GFRA1: variants seen among roughly 807,000 people sequenced by gnomAD.
GFRA1 encodes GDNF family receptor alpha-1.
A neutral mutation model predicts 51.6 loss-of-function variants in GFRA1; 16 were observed. The ratio of observed to expected loss-of-function variants is 0.31; its 90% CI spans 0.21 to 0.47. The LOEUF is 0.47. GFRA1 is among the 20% of genes least tolerant of loss of function. The pLI is 1.00. For synonymous variants in GFRA1, 270 were observed against 241.3 expected (o/e 1.12, Z -1.10); for missense variants, 530 against 594.3 (o/e 0.89, Z 1.13).
chr10:116,249,551 A>G (rs773172315), intron 4 of GFRA1, among the ~76,000 whole-genome samples: 2 of 152,108 alleles, frequency 1.3e-5, no homozygotes, highest in Non-Finnish European at 2.9e-5. Context: ...GTCCTTCATG[A>G]AAGAAAGACT....
intron 4 of GFRA1, among the ~76,000 whole-genome samples, chr10:116,246,469 A>G (rs1402956120): frequency 1.3e-5 from 2 of 152,222 alleles, no homozygotes; most frequent in Admixed American, 6.5e-5. Context: ...GTCAGACAGT[A>G]TATGAGAACA....
chr10:116,152,593 G>A (rs536889368), intron 5 of GFRA1, among the ~76,000 whole-genome samples: 128 of 152,242 alleles, frequency 8.4e-4, no homozygotes, highest in Non-Finnish European at 1.7e-3. Flanking sequence ...GGATCTGCCC[G>A]CCTGACCCAA....
chr10:116,210,368 G>GA (rs538261274), intron 5 of GFRA1, among the ~76,000 whole-genome samples: 155 of 150,980 alleles, frequency 1.0e-3, no homozygotes, highest in Non-Finnish European at 1.6e-3. Context: ...CTAGTTCACA[G>GA]AAAAAAAAAT....
At chr10:116,221,226 A>G (rs1029584217) in intron 4 of GFRA1, among the ~76,000 whole-genome samples, 1 of 152,158 alleles carries the variant, frequency 6.6e-6, no homozygotes, top group African/African-American at 2.4e-5. Context: ...AAGGTTAACT[A>G]AAGCTGCCAA....
chr10:116,157,923 TC>T (rs1303061717), intron 5 of GFRA1, among the ~76,000 whole-genome samples: 1 of 152,148 alleles, frequency 6.6e-6, no homozygotes, highest in Non-Finnish European at 1.5e-5. Flanking sequence ...GCTCTGATGA[TC>T]CCCTGGCTTT....
intron 5 of GFRA1, among the ~76,000 whole-genome samples, chr10:116,138,741 G>A (rs895830492): frequency 6.7e-6 from 1 of 148,158 alleles, no homozygotes; most frequent in African/African-American, 2.5e-5. Flanking sequence ...TGACGGCTCA[G>A]CTGCATGCCT....
chr10:116,179,367 T>A (rs1961982909), intron 5 of GFRA1, among the ~76,000 whole-genome samples: 1 of 152,194 alleles, frequency 6.6e-6, no homozygotes, highest in Admixed American at 6.5e-5. Context: ...TATTTGGCTT[T>A]TATTTATGTC....
At chr10:116,068,575 G>A (rs1222651508) in intron 9 of GFRA1, among the ~76,000 whole-genome samples, 1 of 152,110 alleles carries the variant, frequency 6.6e-6, no homozygotes, top group African/African-American at 2.4e-5. Flanking sequence ...GTGAACTTCT[G>A]GCTAGTTGCA....
chr10:116,127,909 G>C (rs1957942642), intron 5 of GFRA1, among the ~76,000 whole-genome samples: 1 of 152,174 alleles, frequency 6.6e-6, no homozygotes, highest in Admixed American at 6.5e-5. Context: ...GCTGGGTACT[G>C]GTACACAATT....
At chr10:116,198,903 A>AG (rs1192620932) in intron 5 of GFRA1, among the ~76,000 whole-genome samples, 2 of 152,216 alleles carry the variant, frequency 1.3e-5, no homozygotes, top group East Asian at 1.9e-4. Flanking sequence ...ACGATGGATT[A>AG]GGGTAAGCCC....
intron 10 of GFRA1, among the ~76,000 whole-genome samples, chr10:116,064,872 TTGCACAGGTAACTGACAGC>T (rs1955024624): frequency 6.7e-6 from 1 of 148,814 alleles, no homozygotes; most frequent in African/African-American, 2.6e-5. Context: ...GGGTTCCACG[TTGCACAGGTAACTGACAGC>T]GTTGGAGACA....
chr10:116,070,189 G>T (rs1446422144), intron 9 of GFRA1, among the ~76,000 whole-genome samples: 1 of 152,262 alleles, frequency 6.6e-6, no homozygotes, highest in South Asian at 2.1e-4. Context: ...TTACTGATTA[G>T]AGAGATTTGC....
chr10:116,072,855 C>T (rs1042646097), intron 9 of GFRA1, among the ~76,000 whole-genome samples: 1 of 152,162 alleles, frequency 6.6e-6, no homozygotes, highest in Non-Finnish European at 1.5e-5. Flanking sequence ...TCCAGTCATT[C>T]CTGCCCTACT....
intron 5 of GFRA1, among the ~76,000 whole-genome samples, chr10:116,195,428 C>CGGG (rs773637355): frequency 3.9e-5 from 6 of 152,200 alleles, no homozygotes; most frequent in Non-Finnish European, 7.4e-5. Context: ...ATGCAAGGGG[C>CGGG]GGGGGTATTG....
chr10:116,076,345 T>C (rs961514422), intron 9 of GFRA1, among the ~76,000 whole-genome samples: 5 of 152,070 alleles, frequency 3.3e-5, no homozygotes, highest in Admixed American at 2.0e-4. Flanking sequence ...CAGCCTTACA[T>C]TGTTCCCAAG....
At chr10:116,172,282 C>T (rs928589014) in intron 5 of GFRA1, among the ~76,000 whole-genome samples, 10 of 152,094 alleles carry the variant, frequency 6.6e-5, no homozygotes, top group Admixed American at 1.3e-4. Context: ...AGGGAGCTGA[C>T]GTATACCCAC....
intron 5 of GFRA1, among the ~76,000 whole-genome samples, chr10:116,194,738 T>A (rs972136220): frequency 6.6e-6 from 1 of 152,196 alleles, no homozygotes; most frequent in South Asian, 2.1e-4. Flanking sequence ...AGAAGATACA[T>A]CAGCATTTAG....
At chr10:116,092,904 A>G (rs1956412581) in intron 8 of GFRA1, among the ~76,000 whole-genome samples, 2 of 152,190 alleles carry the variant, frequency 1.3e-5, no homozygotes, top group Admixed American at 1.3e-4. Context: ...ATCGTCATCT[A>G]GGGTGTGCAT....
In GFRA1 at chr10:116,061,336, AACTTAT is replaced by A. The variant is rs1420591993; in HGVS notation, c.*3056_*3061del. ...ATGAAAAATAACCTATGTTAATCTC[AACTTAT>A]ACTTTTTTTATTACAGACTTGAAAA... On this transcript the variant is annotated 3_prime_UTR_variant, in exon 11 of 11. Transcript: ENST00000355422. The A allele has an allele frequency of 3.9e-5, 6 of 152,208 alleles. No individual in the cohort carries two copies. In the East Asian group the frequency reaches 1.2e-3, roughly 29 times the overall value. The allele number at this position is 152,208 out of a possible 1,614,324, so 9.4% of individuals were successfully genotyped here. A position where few individuals can be genotyped will look rare whatever the true frequency, so the allele number is the denominator to read the frequency against.
Sources: allele counts gnomAD v4.1 joint callset (sites outside exome capture counted in the v4.1 genomes callset), GRCh38; gene constraint gnomAD v4.1.1; transcripts MANE v1.5; gene names NCBI Gene and HGNC (gene_info 2026-07-23, HGNC 2026-07-21).